MSRB3: variants seen among roughly 807,000 people sequenced by gnomAD.
MSRB3 encodes methionine sulfoxide reductase B3, also known as methionine-R-sulfoxide reductase B3.
Under a neutral mutation model 21.0 loss-of-function variants are expected in MSRB3, and 13 were observed. The ratio of observed to expected loss-of-function variants is 0.62; its 90% CI spans 0.40 to 0.98. The LOEUF (loss-of-function observed/expected upper bound fraction) is 0.98. MSRB3 is among the 50% of genes least tolerant of loss of function. MSRB3 has a pLI of 0.00. For synonymous variants in MSRB3, 87 were observed against 88.6 expected (o/e 0.98, Z 0.10); for missense variants, 199 against 230.3 (o/e 0.86, Z 0.88).
chr12:65,441,089 C>T (rs1407034600), intron 5 of MSRB3, among the ~76,000 whole-genome samples: 1 of 151,834 alleles, frequency 6.6e-6, no homozygotes, highest in African/African-American at 2.4e-5. Context: ...AATATGACTA[C>T]AGTACCATAG....
At chr12:65,392,078 T>C (rs577456496) in intron 5 of MSRB3, among the ~76,000 whole-genome samples, 3 of 152,204 alleles carry the variant, frequency 2.0e-5, no homozygotes, top group Admixed American at 1.3e-4. Context: ...CAAATTGCAT[T>C]TAGAACAGAT....
At chr12:65,348,160 G>A (rs1876658823) in intron 4 of MSRB3, among the ~76,000 whole-genome samples, 1 of 152,196 alleles carries the variant, frequency 6.6e-6, no homozygotes, top group African/African-American at 2.4e-5. Flanking sequence ...AGAAGAAATG[G>A]TACCAGCTCC....
At chr12:65,419,637 A>T in intron 5 of MSRB3, 1 of 709,352 alleles carries the variant, frequency 1.4e-6, no homozygotes. Flanking sequence ...TCTTGAAATA[A>T]TGGACCCAGT....
At chr12:65,395,464 T>TAA (rs775443368) in intron 5 of MSRB3, among the ~76,000 whole-genome samples, 1 of 141,418 alleles carries the variant, frequency 7.1e-6, no homozygotes. Context: ...AGACTCCATC[T>TAA]AAAAAAAAAA....
At chr12:65,377,537 G>T (rs1258077544) in intron 5 of MSRB3, among the ~76,000 whole-genome samples, 1 of 151,962 alleles carries the variant, frequency 6.6e-6, no homozygotes, top group East Asian at 1.9e-4. Flanking sequence ...TTATCTCAAG[G>T]TATCCATCTG....
chr12:65,420,994 G>T (rs1881264499), intron 5 of MSRB3, among the ~76,000 whole-genome samples: 1 of 152,174 alleles, frequency 6.6e-6, no homozygotes, highest in African/African-American at 2.4e-5. Flanking sequence ...TAGTGAAACT[G>T]CTGGGTGTAA....
intron 1 of MSRB3, chr12:65,305,053 CTTCTTTTTTGTTATTT>C (rs1873566790): frequency 1.3e-5 from 2 of 151,426 alleles, no homozygotes; most frequent in Non-Finnish European, 2.9e-5. Context: ...AAGTAATCTT[CTTCTTTTTTGTTATTT>C]TTCTTTTTTT....
intron 4 of MSRB3, among the ~76,000 whole-genome samples, chr12:65,334,526 A>G (rs1875634906): frequency 6.6e-6 from 1 of 151,386 alleles, no homozygotes; most frequent in Non-Finnish European, 1.5e-5. Context: ...ACACACAGAA[A>G]CATGCATACA....
At chr12:65,341,870 T>C (rs1876166367) in intron 4 of MSRB3, among the ~76,000 whole-genome samples, 2 of 152,034 alleles carry the variant, frequency 1.3e-5, no homozygotes, top group Admixed American at 6.6e-5. Context: ...TTTTAATATG[T>C]ACTCAGAAGA....
chr12:65,428,940 C>T (rs1391631164), intron 5 of MSRB3, among the ~76,000 whole-genome samples: 4 of 152,084 alleles, frequency 2.6e-5, no homozygotes, highest in Non-Finnish European at 5.9e-5. Context: ...TTATATGCCC[C>T]TTGTAAAACA....
intron 5 of MSRB3, among the ~76,000 whole-genome samples, chr12:65,373,315 A>G (rs147885608): frequency 1.7e-4 from 26 of 152,336 alleles, no homozygotes; most frequent in African/African-American, 5.0e-4. Context: ...AATAAAGTAG[A>G]ATAGCTTTCT....
intron 5 of MSRB3, among the ~76,000 whole-genome samples, chr12:65,414,506 G>A (rs376247544): frequency 1.2e-3 from 176 of 152,196 alleles, no homozygotes; most frequent in Non-Finnish European, 1.6e-3. Context: ...ATCACCTACC[G>A]TATTCAGTAC....
chr12:65,284,937 TC>T (rs1872254688), intron 1 of MSRB3: 1 of 152,184 alleles, frequency 6.6e-6, no homozygotes, highest in Non-Finnish European at 1.5e-5. Context: ...TTCTTATCTT[TC>T]TTCAGATAAA....
intron 1 of MSRB3, 60 bp from the exon 2 acceptor site, chr12:65,308,469 T>C (rs1873787866): frequency 6.3e-6 from 10 of 1,580,276 alleles, no homozygotes; most frequent in Middle Eastern, 1.7e-4. Context: ...GTGCAATGAA[T>C]GTGTTTAATA....
At chr12:65,335,032 A>T (rs1402443010) in intron 4 of MSRB3, among the ~76,000 whole-genome samples, 1 of 152,160 alleles carries the variant, frequency 6.6e-6, no homozygotes, top group Non-Finnish European at 1.5e-5. Context: ...TTTATCAAAC[A>T]ATCAGAACAG....
In MSRB3 at chr12:65,354,992, A is replaced by T. The variant is rs544810435; in HGVS notation, c.264-14006A>T. ...CTCCTTATAATAGGAGGGGAAGTAG[A>T]TTCATGGAAAGATTTTAATTTTTTG... On this transcript the variant is annotated intron_variant, in intron 4 of 6. Transcript: ENST00000308259. 4.6e-5 allele frequency among the ~76,000 whole-genome samples: 7 copies of T among 151,994 alleles called. No individual in the cohort carries two copies. The East Asian group carries it at 1.4e-3, about 30-fold the overall frequency.
intron 2 of MSRB3, among the ~76,000 whole-genome samples, chr12:65,309,239 TAA>T (rs1171295641): frequency 6.6e-6 from 1 of 152,214 alleles, no homozygotes; most frequent in African/African-American, 2.4e-5. Flanking sequence ...AGAATTTAAA[TAA>T]GTGAGGCATG....
intron 4 of MSRB3, among the ~76,000 whole-genome samples, chr12:65,335,739 T>A (rs1463601452): frequency 6.6e-6 from 1 of 152,178 alleles, no homozygotes; most frequent in Non-Finnish European, 1.5e-5. Context: ...TTAACAACCA[T>A]TTCAGTCACT....
At chr12:65,307,955 T>G (rs1279812900) in intron 1 of MSRB3, among the ~76,000 whole-genome samples, 1 of 152,244 alleles carries the variant, frequency 6.6e-6, no homozygotes, top group African/African-American at 2.4e-5. Flanking sequence ...TCTCTTAATC[T>G]TATTATTTTA....
Sources: gnomAD v4.1 joint callset for allele counts (sites outside exome capture counted in the v4.1 genomes callset) on GRCh38, gnomAD v4.1.1 for gene constraint, MANE v1.5 for transcripts, NCBI Gene and HGNC (gene_info 2026-07-23, HGNC 2026-07-21) for gene names.